Variants in TMEM223 observed in about 807,000 individuals in gnomAD.
TMEM223 encodes transmembrane protein 223.
TMEM223 carries 14 observed loss-of-function variants against 14.1 expected under a neutral mutation model. That is an observed-to-expected ratio of 0.99 (90% confidence interval 0.66 to 1.55). The LOEUF (loss-of-function observed/expected upper bound fraction) is 1.55. TMEM223 is among the 40% of genes most tolerant of loss of function. The probability of loss-of-function intolerance (pLI) is 0.00; values close to 1 mark genes in which losing one functional copy is unlikely to be tolerated. For missense variants in TMEM223, 346 were observed against 269.9 expected (o/e 1.28, Z -1.97); for synonymous variants, 145 against 120.5 (o/e 1.20, Z -1.33).
chr11:62,791,458 G>T (rs1031383388), intron 1 of TMEM223, among the ~76,000 whole-genome samples: 12 of 152,140 alleles, frequency 7.9e-5, no homozygotes, highest in African/African-American at 1.2e-4. Context: ...AGGGTTTGAC[G>T]GTGTTAGCCA....
rs200911666 is a variant in TMEM223, at chr11:62,791,903, T to C, written c.92A>G (p.Gln31Arg). ...TCRPLQGTTL[Q>R]RDVLLFEHDR... Reference sequence around the variant, plus strand: ...ATGCTCAAAGAGCAGCACATCCCGTTGCAGCGTCGTGCCTTGCAGGGGCCG... The same window carrying C: ...ATGCTCAAAGAGCAGCACATCCCGTCGCAGCGTCGTGCCTTGCAGGGGCCG... Residue 31 changes from glutamine to arginine, a missense_variant, in exon 1 of 2, where the codon CAA becomes CGA. Gln to Arg is a conservative substitution (Grantham distance 43, BLOSUM62 1). Transcript: ENST00000307366. The C allele has an allele frequency of 2.0e-4, 323 of 1,600,642 alleles. No individual in the cohort carries two copies. In the African/African-American group the frequency reaches 4.0e-3, roughly 20 times the overall value.
At chr11:62,778,609 G>A (rs899531206) in intron 1 of TMEM223, 6 of 614,266 alleles carry the variant, frequency 9.8e-6, no homozygotes, top group South Asian at 3.9e-5. Flanking sequence ...GGTATGCTGA[G>A]CAGAGCTTCA....
chr11:62,786,609 C>A, downstream of TMEM223: 1 of 1,589,524 alleles, frequency 6.3e-7, no homozygotes, highest in Non-Finnish European at 8.6e-7. Flanking sequence ...GCCTGGACGA[C>A]CTGCCATGGG....
intron 1 of TMEM223, chr11:62,775,811 G>A (rs1464172940): frequency 1.9e-6 from 3 of 1,611,904 alleles, no homozygotes; most frequent in East Asian, 2.2e-5. Context: ...GCGGCGGTTT[G>A]TGGAGATCCC....
At chr11:62,779,974 A>ATTTTTTT (rs1432226168) in intron 1 of TMEM223, among the ~76,000 whole-genome samples, 15 of 74,916 alleles carry the variant, frequency 2.0e-4, no homozygotes, top group African/African-American at 7.5e-4. Context: ...ATATATATAT[A>ATTTTTTT]TATTTTTTTT....
chr11:62,787,258 T>C, downstream of TMEM223: 2 of 1,566,504 alleles, frequency 1.3e-6, no homozygotes, highest in Non-Finnish European at 1.7e-6. Flanking sequence ...CGCCCGCCGG[T>C]GGGCGCTCTC....
Position 62,790,786 on chromosome 11 carries a change from A to G in TMEM223, c.446T>C (p.Val149Ala), listed in dbSNP as rs761510034. 1 of 1,608,224 alleles carries G rather than the reference A, an allele frequency of 6.2e-7. No individual in the cohort carries two copies. The highest frequency in any genetic ancestry group is 8.5e-7 in the Non-Finnish European group (1 of 1,177,172). Reference protein sequence around the residue: ...APFGLGAHFTVPLKQVSCMAH... With the variant: ...APFGLGAHFTAPLKQVSCMAH... ...CATGCAAGATACCTGCTTCAAAGGA[A>G]CTGTGAAATGGGCCCCCAAGCCAAA... The change falls in exon 2 of 2, where the codon GTT becomes GCT. Residue 149 changes from valine (V) to alanine (A), a missense_variant. By Grantham distance (64) the Val-to-Ala change is moderately conservative. Transcript: ENST00000307366.
Position 62,790,327 on chromosome 11 carries a change from G to A in TMEM223, c.*296C>T, listed in dbSNP as rs2084345114. 1.9e-6 allele frequency: 1 copy of A among 538,690 alleles called. No homozygotes were observed. 33.4% of individuals were successfully genotyped at this position (538,690 alleles called of 1,614,324 possible). ...AGCAGACATGGACTGAAACTTAGAGGTACTGTTAGGCAGCTGCCCTAGGGA... is the reference window on the plus strand; with the variant it reads ...AGCAGACATGGACTGAAACTTAGAGATACTGTTAGGCAGCTGCCCTAGGGA... On this transcript the variant is annotated 3_prime_UTR_variant, in exon 2 of 2. Transcript: ENST00000307366.
At chr11:62,782,526 G>T, downstream of TMEM223, 3 of 1,112,682 alleles carry the variant, frequency 2.7e-6, no homozygotes, top group Middle Eastern at 6.1e-4. Context: ...CAAGGTATTG[G>T]TTCTTCAGCC....
rs577296351 is a variant in TMEM223, at chr11:62,791,928, G to C, written c.67C>G (p.Arg23Gly). 3.1e-6 allele frequency: 5 copies of C among 1,597,780 alleles called. No individual in the cohort carries two copies. The highest frequency in any genetic ancestry group is 2.7e-5 in the African/African-American group (2 of 74,726). Residue 23 changes from arginine (R) to glycine (G), a missense_variant, in exon 1 of 2, where the codon CGG (arginine) becomes GGG (glycine). Coordinates refer to ENST00000307366, the MANE Select transcript of TMEM223 (RefSeq NM_001080501.3). ...LAVLRPLLTCRPLQGTTLQRD... is the reference protein window; with the variant it reads ...LAVLRPLLTCGPLQGTTLQRD... Reference sequence around the variant, plus strand: ...TGCAGCGTCGTGCCTTGCAGGGGCCGGCAGGTGAGCAGGGGCCGCAGCACG... The same window carrying C: ...TGCAGCGTCGTGCCTTGCAGGGGCCCGCAGGTGAGCAGGGGCCGCAGCACG...
At chr11:62,783,318 T>TA (rs2134719209), downstream of TMEM223, among the ~76,000 whole-genome samples, 1 of 152,164 alleles carries the variant, frequency 6.6e-6, no homozygotes, top group Non-Finnish European at 1.5e-5. Context: ...CCATCTCTAC[T>TA]AAAAATACAA....
chr11:62,781,127 T>A (rs1455371075), intron 1 of TMEM223, among the ~76,000 whole-genome samples: 1 of 150,768 alleles, frequency 6.6e-6, no homozygotes, highest in Admixed American at 6.6e-5. Flanking sequence ...TCCCAGCTAC[T>A]TGGGAGGCTG....
chr11:62,787,215 G>A (rs751078026), downstream of TMEM223: 7 of 1,587,934 alleles, frequency 4.4e-6, no homozygotes, highest in Admixed American at 1.7e-5. Context: ...GCTACGTGCA[G>A]AAACTGCCCA....
downstream of TMEM223, chr11:62,782,687 C>G (rs1202479823): frequency 2.5e-6 from 4 of 1,611,598 alleles, no homozygotes; most frequent in Non-Finnish European, 3.4e-6. Context: ...AATGGTGCTC[C>G]CACAGGACTC....
downstream of TMEM223, chr11:62,786,484 T>C (rs1476487195): frequency 6.3e-7 from 1 of 1,577,608 alleles, no homozygotes; most frequent in Non-Finnish European, 8.6e-7. Context: ...GTTCCTCGAA[T>C]TTTTTGCCTA....
downstream of TMEM223, chr11:62,786,791 G>A (rs1013976624): frequency 3.1e-6 from 5 of 1,610,832 alleles, no homozygotes; most frequent in African/African-American, 4.0e-5. Flanking sequence ...TTGGCCACAC[G>A]CTTTGGCACC....
rs1265385853 is a variant in TMEM223, at chr11:62,791,723, G to T, written c.272C>A (p.Ser91Tyr). 6.4e-7 allele frequency: 1 copy of T among 1,553,810 alleles called. No individual in the cohort carries two copies. Among genetic ancestry groups the T allele is most frequent in the Non-Finnish European group, 8.7e-7 (1 of 1,148,624 alleles). Residue 91 changes from serine (S) to tyrosine (Y), a missense_variant, in exon 1 of 2, where the codon TCC becomes TAC. Ser to Tyr is a moderately radical substitution (Grantham distance 144). Transcript: ENST00000307366. ...VPNRGPFDLRSALWRYGLAVG... is the reference protein window; with the variant it reads ...VPNRGPFDLRYALWRYGLAVG... ...GGCCAGACCGTAGCGCCAGAGCGCG[G>T]AGCGCAGGTCGAAGGGGCCACGATT...
At chr11:62,789,092 C>A, downstream of TMEM223, 1 of 1,614,194 alleles carries the variant, frequency 6.2e-7, no homozygotes, top group Non-Finnish European at 8.5e-7. Context: ...GGCCTTATCC[C>A]GTCCCTCAGC....
At chr11:62,788,962 C>T, downstream of TMEM223, 1 of 1,528,400 alleles carries the variant, frequency 6.5e-7, no homozygotes. Flanking sequence ...AACACCCTAC[C>T]AAGAGACTGT....
Sources: allele counts gnomAD v4.1 joint callset (sites outside exome capture counted in the v4.1 genomes callset), GRCh38; gene constraint gnomAD v4.1.1; transcripts MANE v1.5; gene names NCBI Gene and HGNC (gene_info 2026-07-23, HGNC 2026-07-21).